The following PCDH9 variants were observed in gnomAD, a reference collection of about 807,000 sequenced individuals.
The protein encoded by PCDH9 is protocadherin-9.
In PCDH9, 24 loss-of-function variants were observed where a neutral mutation model predicts 70.6. The observed-to-expected ratio is 0.34, with a 90% confidence interval of 0.25 to 0.48. The LOEUF (loss-of-function observed/expected upper bound fraction) is 0.48, where lower values mean the gene tolerates loss of function less well. Ranked by LOEUF, PCDH9 falls within the 20% of genes least tolerant of loss-of-function variation. The pLI, the probability that PCDH9 is intolerant of heterozygous loss-of-function variation, is 0.99. For synonymous variants in PCDH9, 562 were observed against 558.5 expected, an observed-to-expected ratio of 1.01 and a Z score of -0.09; for missense variants, 1,281 against 1,503.6, an observed-to-expected ratio of 0.85 and a Z score of 2.45.
intron 2 of PCDH9, among the ~76,000 whole-genome samples, chr13:67,040,655 A>C (rs183816682): frequency 4.7e-4 from 71 of 152,272 alleles, no homozygotes; most frequent in Non-Finnish European, 9.6e-4. Context: ...ACTTTGTTAC[A>C]GTAGCCCAAA....
At chr13:66,422,075 A>G (rs1957577810) in intron 4 of PCDH9, among the ~76,000 whole-genome samples, 1 of 152,224 alleles carries the variant, frequency 6.6e-6, no homozygotes, top group African/African-American at 2.4e-5. Flanking sequence ...AGGCCATTAC[A>G]TAATGGTAAA....
At chr13:66,537,574 C>T (rs9599122) in intron 4 of PCDH9, among the ~76,000 whole-genome samples, 151,169 of 152,060 alleles carry the variant, frequency 0.99, 75,147 homozygotes, top group East Asian at 1. Context: ...AGAAATCCTG[C>T]AGTGCTGGAG....
At chr13:67,151,571 A>G (rs2087662440) in intron 2 of PCDH9, among the ~76,000 whole-genome samples, 1 of 152,140 alleles carries the variant, frequency 6.6e-6, no homozygotes, top group East Asian at 1.9e-4. Context: ...TCCCAAATCC[A>G]ACACTGTTAG....
chr13:66,770,045 A>G (rs1232584483), intron 3 of PCDH9, among the ~76,000 whole-genome samples: 1 of 152,164 alleles, frequency 6.6e-6, no homozygotes, highest in Admixed American at 6.6e-5. Context: ...ATGGAAGTGG[A>G]AAATTGAGAG....
chr13:66,866,255 G>A (rs2081572205), intron 3 of PCDH9, among the ~76,000 whole-genome samples: 1 of 152,062 alleles, frequency 6.6e-6, no homozygotes, highest in Admixed American at 6.6e-5. Flanking sequence ...GGCCGAGGTG[G>A]GCTGATCACG....
intron 3 of PCDH9, among the ~76,000 whole-genome samples, chr13:66,641,617 T>A (rs1316070368): frequency 2.0e-5 from 3 of 152,106 alleles, no homozygotes; most frequent in Admixed American, 2.0e-4. Context: ...ACAACAGATA[T>A]GGAAGGGACT....
At chr13:66,472,505 G>A (rs1958640595) in intron 4 of PCDH9, among the ~76,000 whole-genome samples, 1 of 152,024 alleles carries the variant, frequency 6.6e-6, no homozygotes, top group South Asian at 2.1e-4. Flanking sequence ...GGAAGTCAAG[G>A]TTCACAGTGA....
At chr13:66,706,720 T>G (rs2078716399) in intron 3 of PCDH9, among the ~76,000 whole-genome samples, 1 of 152,244 alleles carries the variant, frequency 6.6e-6, no homozygotes, top group Non-Finnish European at 1.5e-5. Context: ...GCATTGGTTT[T>G]ATTCTTTGCC....
At chr13:66,772,479 T>C (rs1566183694) in intron 3 of PCDH9, among the ~76,000 whole-genome samples, 1 of 152,228 alleles carries the variant, frequency 6.6e-6, no homozygotes, top group Non-Finnish European at 1.5e-5. Context: ...AAGCTGTGTG[T>C]TATTCTTTTA....
intron 3 of PCDH9, among the ~76,000 whole-genome samples, chr13:66,666,584 A>G (rs2078100807): frequency 6.6e-6 from 1 of 152,222 alleles, no homozygotes; most frequent in Non-Finnish European, 1.5e-5. Context: ...AGGAGACAAT[A>G]AATCTTTCTG....
intron 3 of PCDH9, among the ~76,000 whole-genome samples, chr13:66,650,074 AAGAAG>A (rs1001036168): frequency 7.2e-5 from 11 of 152,144 alleles, no homozygotes; most frequent in African/African-American, 2.6e-4. Flanking sequence ...GAAGAAAAGA[AAGAAG>A]AGAAGGCCAC....
chr13:67,113,848 A>G (rs2086708577), intron 2 of PCDH9, among the ~76,000 whole-genome samples: 1 of 152,136 alleles, frequency 6.6e-6, no homozygotes, highest in African/African-American at 2.4e-5. Flanking sequence ...TTTGCCCATT[A>G]AACATTTGGA....
chr13:66,420,665 A>C (rs1265355891), intron 4 of PCDH9, among the ~76,000 whole-genome samples: 3 of 152,184 alleles, frequency 2.0e-5, no homozygotes, highest in Non-Finnish European at 4.4e-5. Flanking sequence ...GATGAGGCAA[A>C]CCTCCATCCG....
intron 4 of PCDH9, among the ~76,000 whole-genome samples, chr13:66,517,386 G>A (rs1349713202): frequency 1.3e-5 from 2 of 151,970 alleles, no homozygotes; most frequent in Non-Finnish European, 2.9e-5. Flanking sequence ...TACACATTTG[G>A]GTTGCATAAT....
At chr13:67,195,112 G>A (rs2089024469) in intron 2 of PCDH9, among the ~76,000 whole-genome samples, 1 of 151,370 alleles carries the variant, frequency 6.6e-6, no homozygotes, top group African/African-American at 2.4e-5. Flanking sequence ...AGTCTCCTGG[G>A]ACAATTAATA....
intron 2 of PCDH9, chr13:67,214,800 A>G (rs2089551587): frequency 1.3e-5 from 2 of 151,468 alleles, no homozygotes; most frequent in East Asian, 3.9e-4. Flanking sequence ...CAGATTCAAG[A>G]AAACAACCAA....
intron 2 of PCDH9, among the ~76,000 whole-genome samples, chr13:66,976,303 T>C (rs2083619062): frequency 6.6e-6 from 1 of 152,072 alleles, no homozygotes; most frequent in Non-Finnish European, 1.5e-5. Flanking sequence ...TAGAAATGTA[T>C]AGAAGATATG....
chr13:66,809,874 T>C (rs2080473325), intron 3 of PCDH9, among the ~76,000 whole-genome samples: 2 of 152,162 alleles, frequency 1.3e-5, no homozygotes, highest in African/African-American at 2.4e-5. Context: ...CCTTTTTAAA[T>C]TTTATAAGAA....
intron 2 of PCDH9, among the ~76,000 whole-genome samples, chr13:66,952,501 T>C (rs1039622385): frequency 2.0e-5 from 3 of 152,162 alleles, no homozygotes. Flanking sequence ...CAAAATAAAT[T>C]CCTCATCAAA....
Sources: allele counts gnomAD v4.1 joint callset (sites outside exome capture counted in the v4.1 genomes callset), GRCh38; gene constraint gnomAD v4.1.1; transcripts MANE v1.5; gene names NCBI Gene and HGNC (gene_info 2026-07-23, HGNC 2026-07-21).